Variants in KCTD8 observed in about 807,000 individuals in gnomAD.
KCTD8 encodes the protein BTB/POZ domain-containing protein KCTD8.
KCTD8 carries 27 observed loss-of-function variants against 31.5 expected under a neutral mutation model. The ratio of observed to expected loss-of-function variants is 0.86; its 90% CI spans 0.63 to 1.18. The LOEUF is 1.18. KCTD8 is among the 50% of genes most tolerant of loss of function. The pLI, the probability that KCTD8 is intolerant of heterozygous loss-of-function variation, is 0.00. For synonymous variants in KCTD8, 290 were observed against 280.0 expected (o/e 1.04, Z -0.36); for missense variants, 658 against 647.7 (o/e 1.02, Z -0.17).
At chr4:44,220,713 A>C (rs1714782521) in intron 1 of KCTD8, among the ~76,000 whole-genome samples, 1 of 152,152 alleles carries the variant, frequency 6.6e-6, no homozygotes, top group Admixed American at 6.6e-5. Context: ...AAAAGTGGAA[A>C]GTTTAGGGGT....
At chr4:44,181,799 G>A (rs984404980) in intron 1 of KCTD8, among the ~76,000 whole-genome samples, 1 of 151,644 alleles carries the variant, frequency 6.6e-6, no homozygotes, top group Non-Finnish European at 1.5e-5. Context: ...TCTAGGAAGT[G>A]AGGAGCGTCT....
intron 1 of KCTD8, among the ~76,000 whole-genome samples, chr4:44,259,081 G>A (rs1473679546): frequency 1.2e-4 from 18 of 151,826 alleles, no homozygotes; most frequent in Admixed American, 1.1e-3. Flanking sequence ...AACTTGTCTT[G>A]GAAGGCAAAG....
chr4:44,256,950 C>G (rs1343459398), intron 1 of KCTD8, among the ~76,000 whole-genome samples: 3 of 152,062 alleles, frequency 2.0e-5, no homozygotes, highest in Admixed American at 6.6e-5. Flanking sequence ...TATGACCTAA[C>G]AGTTTCTTTT....
chr4:44,209,065 G>T (rs1195022388), intron 1 of KCTD8, among the ~76,000 whole-genome samples: 1 of 152,040 alleles, frequency 6.6e-6, no homozygotes, highest in Non-Finnish European at 1.5e-5. Context: ...CTACTAGAAA[G>T]ATTAGAACAA....
chr4:44,192,475 TACACACACACACACACAC>T (rs34405384), intron 1 of KCTD8, among the ~76,000 whole-genome samples: 1 of 137,090 alleles, frequency 7.3e-6, no homozygotes, highest in Non-Finnish European at 1.6e-5. Flanking sequence ...TAAGCAAAGA[TACACACACACACACACAC>T]ACACACACAC....
At position 44,176,304 on chromosome 4, in the gene KCTD8, C is replaced by T. The variant is rs532833143; in HGVS notation, c.962-1054G>A. On this transcript the variant is annotated intron_variant, in intron 1 of 1. Transcript: ENST00000360029. ...GAGTTGAGAACAACTGGTCTAATTTCGGGGGTCTAACCTTGGAAGCATACT... is the reference window on the plus strand; with the variant it reads ...GAGTTGAGAACAACTGGTCTAATTTTGGGGGTCTAACCTTGGAAGCATACT... 1.9e-3 allele frequency among the ~76,000 whole-genome samples: 285 copies of T among 152,218 alleles called. 2 individuals are homozygous for T. Among genetic ancestry groups the T allele is most frequent in the Middle Eastern group, 3.4e-3 (1 of 292 alleles).
chr4:44,251,623 C>A (rs1413090378), intron 1 of KCTD8, among the ~76,000 whole-genome samples: 2 of 151,170 alleles, frequency 1.3e-5, no homozygotes, highest in Admixed American at 6.6e-5. Flanking sequence ...GTATTGCTGG[C>A]ATTTGTGAAA....
intron 1 of KCTD8, among the ~76,000 whole-genome samples, chr4:44,246,601 T>C (rs1715673908): frequency 6.6e-6 from 1 of 152,066 alleles, no homozygotes; most frequent in African/African-American, 2.4e-5. Context: ...TTCTAGCCAC[T>C]GTTTTTCTCT....
At chr4:44,377,813 T>C (rs1719953157) in intron 1 of KCTD8, among the ~76,000 whole-genome samples, 1 of 152,160 alleles carries the variant, frequency 6.6e-6, no homozygotes, top group South Asian at 2.1e-4. Flanking sequence ...CAAGGATCTG[T>C]AAGCTTGCTT....
intron 1 of KCTD8, among the ~76,000 whole-genome samples, chr4:44,236,436 A>G (rs1443070962): frequency 6.6e-6 from 1 of 151,730 alleles, no homozygotes; most frequent in African/African-American, 2.4e-5. Flanking sequence ...CATTTTTGAA[A>G]TAAGTCTATT....
At chr4:44,193,663 G>A (rs1198903328) in intron 1 of KCTD8, among the ~76,000 whole-genome samples, 2 of 151,796 alleles carry the variant, frequency 1.3e-5, no homozygotes, top group East Asian at 3.9e-4. Context: ...AAAATTAAAG[G>A]CTACACATAT....
chr4:44,354,340 C>G (rs569582517), intron 1 of KCTD8, among the ~76,000 whole-genome samples: 61 of 152,228 alleles, frequency 4.0e-4, no homozygotes, highest in Admixed American at 9.2e-4. Context: ...TCCATTCCTT[C>G]ACGCTTACTT....
intron 1 of KCTD8, among the ~76,000 whole-genome samples, chr4:44,370,360 G>T (rs1719749738): frequency 6.6e-6 from 1 of 151,968 alleles, no homozygotes; most frequent in African/African-American, 2.4e-5. Flanking sequence ...AATATATAAG[G>T]GTGTAAAAAG....
chr4:44,274,870 G>A (rs569701534), intron 1 of KCTD8, among the ~76,000 whole-genome samples: 1 of 151,718 alleles, frequency 6.6e-6, no homozygotes, highest in South Asian at 2.1e-4. Flanking sequence ...TCTGAATGAA[G>A]TTTAATTAAC....
At chr4:44,343,670 T>C (rs1224664275) in intron 1 of KCTD8, among the ~76,000 whole-genome samples, 1 of 152,176 alleles carries the variant, frequency 6.6e-6, no homozygotes, top group Non-Finnish European at 1.5e-5. Flanking sequence ...ATTAAGTTTT[T>C]AGGGTTTTCA....
At chr4:44,319,017 G>A (rs945995835) in intron 1 of KCTD8, among the ~76,000 whole-genome samples, 1 of 152,150 alleles carries the variant, frequency 6.6e-6, no homozygotes, top group Admixed American at 6.5e-5. Flanking sequence ...GGATGCGGAC[G>A]CAATCTAGAA....
At chr4:44,270,449 A>C (rs1411747949) in intron 1 of KCTD8, among the ~76,000 whole-genome samples, 2 of 151,094 alleles carry the variant, frequency 1.3e-5, no homozygotes, top group East Asian at 3.9e-4. Flanking sequence ...CTAAATGATG[A>C]GTTAATGGGT....
At chr4:44,382,655 G>C (rs145261805) in intron 1 of KCTD8, among the ~76,000 whole-genome samples, 1 of 151,770 alleles carries the variant, frequency 6.6e-6, no homozygotes, top group African/African-American at 2.4e-5. Flanking sequence ...GTTTGAACTC[G>C]GGAGGTGGAG....
chr4:44,252,669 A>G (rs1011010318), intron 1 of KCTD8, among the ~76,000 whole-genome samples: 1 of 151,746 alleles, frequency 6.6e-6, no homozygotes, highest in African/African-American at 2.4e-5. Context: ...ATATTAAACT[A>G]TTCTTTCTTT....
Sources: gnomAD v4.1 joint callset for allele counts (sites outside exome capture counted in the v4.1 genomes callset) on GRCh38, gnomAD v4.1.1 for gene constraint, MANE v1.5 for transcripts, NCBI Gene and HGNC (gene_info 2026-07-23, HGNC 2026-07-21) for gene names.